Variants in DLC1 observed in about 807,000 individuals in gnomAD.
DLC1 encodes the protein DLC1 Rho GTPase activating protein.
In DLC1, 54 loss-of-function variants were observed where a neutral mutation model predicts 140.3. That is an observed-to-expected ratio of 0.38 (90% CI 0.31 to 0.48). The LOEUF is 0.48. Ranked by LOEUF, DLC1 falls within the 20% of genes least tolerant of loss-of-function variation. The pLI is 0.96. For missense variants in DLC1, 2,536 were observed against 1,907.0 expected (o/e 1.33, Z -6.14); for synonymous variants, 986 against 728.1 (o/e 1.35, Z -5.70).
intron 2 of DLC1, among the ~76,000 whole-genome samples, chr8:13,407,523 G>T (rs1020748972): frequency 3.3e-5 from 5 of 151,840 alleles, no homozygotes; most frequent in Admixed American, 6.6e-5. Context: ...AGAGACACAG[G>T]CTCTGTTTTC....
rs55791933 is a variant in DLC1, at chr8:13,280,287, CAAAAA to C, written c.1348+24977_1348+24981del. Among the ~76,000 whole-genome samples, 6 of 65,372 alleles carry C rather than the reference CAAAAA, an allele frequency of 9.2e-5. No homozygotes were observed. In the South Asian group the frequency reaches 4.2e-3, roughly 46 times the overall value. 42.9% of individuals were successfully genotyped at this position (65,372 alleles called of 152,430 possible). On this transcript the variant is annotated intron_variant, in intron 5 of 17. Transcript: ENST00000276297. The stretch of plus-strand genomic sequence containing the variant: ...TGGGCAACGGAGAGAGACTCCATCT[CAAAAA>C]AAAAAAAAAAAAAAAAAAGAAAAAT...
At chr8:13,219,233 A>T (rs1828411389) in intron 5 of DLC1, among the ~76,000 whole-genome samples, 1 of 135,702 alleles carries the variant, frequency 7.4e-6, no homozygotes, top group Non-Finnish European at 1.5e-5. Context: ...GAATATAATT[A>T]TATAATGATA....
chr8:13,476,561 G>A (rs1001956097), intron 2 of DLC1, among the ~76,000 whole-genome samples: 2 of 151,596 alleles, frequency 1.3e-5, no homozygotes, highest in African/African-American at 4.8e-5. Flanking sequence ...GAGCTAACCA[G>A]GCAGGATGTG....
At chr8:13,275,581 AATCGGACAGAAGTCCCT>A (rs71207137) in intron 5 of DLC1, among the ~76,000 whole-genome samples, 11,783 of 152,226 alleles carry the variant, frequency 0.077, 611 homozygotes, top group Middle Eastern at 0.11. Context: ...CCAACGCAAA[AATCGGACAGAAGTCCCT>A]ATCTCCTCAC....
At chr8:13,511,856 A>G (rs1425275019) in intron 1 of DLC1, among the ~76,000 whole-genome samples, 1 of 152,150 alleles carries the variant, frequency 6.6e-6, no homozygotes, top group Non-Finnish European at 1.5e-5. Context: ...ATTTTTCAAG[A>G]GGAAACAAAA....
rs879257295 is a variant in DLC1 at position 13,331,677 on chromosome 8, T to TA, written c.1315-26376dup. On this transcript the variant is annotated intron_variant, in intron 4 of 17. Transcript: ENST00000276297. ...CCCCAACTAACCCAAAACCAAAAAA[T>TA]AAAAAAAAAAATCCCCACCAAATCC... Among the ~76,000 whole-genome samples the TA allele has an allele frequency of 8.2e-4, 119 of 144,824 alleles. 1 individual carries two copies. Among genetic ancestry groups the TA allele is most frequent in the East Asian group, 2.4e-3 (12 of 5,004 alleles).
chr8:13,384,128 TACA>T (rs1280969152), intron 4 of DLC1, among the ~76,000 whole-genome samples: 2 of 152,256 alleles, frequency 1.3e-5, no homozygotes, highest in Non-Finnish European at 2.9e-5. Flanking sequence ...TAATTTATTA[TACA>T]ACAACAGATA....
intron 2 of DLC1, among the ~76,000 whole-genome samples, chr8:13,438,689 T>A (rs1839231509): frequency 6.6e-6 from 1 of 152,144 alleles, no homozygotes; most frequent in African/African-American, 2.4e-5. Flanking sequence ...CCCCTAATCT[T>A]CTGATTTTCA....
chr8:13,449,565 C>G (rs1323042489), intron 2 of DLC1, among the ~76,000 whole-genome samples: 1 of 148,092 alleles, frequency 6.8e-6, no homozygotes, highest in Non-Finnish European at 1.5e-5. Context: ...CAAACTATCG[C>G]AAGGACAAAA....
At chr8:13,266,338 T>G (rs953436576) in intron 5 of DLC1, among the ~76,000 whole-genome samples, 5 of 152,214 alleles carry the variant, frequency 3.3e-5, no homozygotes, top group African/African-American at 1.2e-4. Flanking sequence ...TGGGCATGTT[T>G]TGTATGTTGT....
rs964657762 is a variant in DLC1, at chr8:13,286,780, C to T, written c.1348+18489G>A. On this transcript the variant is annotated intron_variant, in intron 5 of 17. Coordinates refer to ENST00000276297, the MANE Select transcript of DLC1 (RefSeq NM_182643.3). ...GTGAAACTCTTACTCTTTTGATTGG[C>T]ATAAAAATGCTAAAGAAAGACAAGT... Among the ~76,000 whole-genome samples, 50 of 147,538 alleles carry T rather than the reference C, an allele frequency of 3.4e-4. 1 individual carries two copies. Among genetic ancestry groups the T allele is most frequent in the African/African-American group, 1.2e-3 (49 of 40,378 alleles).
chr8:13,286,442 AGGGTCACTT>A (rs1204909946), intron 5 of DLC1, among the ~76,000 whole-genome samples: 1 of 152,196 alleles, frequency 6.6e-6, no homozygotes, highest in African/African-American at 2.4e-5. Flanking sequence ...GTTTCATGAA[AGGGTCACTT>A]TATATGGAAT....
chr8:13,497,860 C>T (rs1359525093), intron 2 of DLC1, among the ~76,000 whole-genome samples: 1 of 152,182 alleles, frequency 6.6e-6, no homozygotes, highest in Non-Finnish European at 1.5e-5. Context: ...ACAAAATGCT[C>T]TGTTAGCATA....
intron 4 of DLC1, among the ~76,000 whole-genome samples, chr8:13,366,212 A>G (rs1671408): frequency 0.5 from 76,106 of 152,026 alleles, 20,096 homozygotes; most frequent in East Asian, 0.82. Context: ...AGGGGCAGTG[A>G]AAATAGTAGG....
rs1832363634 is a variant in DLC1 at position 13,305,057 on chromosome 8, T to C, written c.1348+212A>G. ...CAAGGAAGACCCCAAGAAACACATA[T>C]CTTATTCTAACACAATGTCATTATG... On this transcript the variant is annotated intron_variant, in intron 5 of 17. Transcript: ENST00000276297. 4.1e-6 allele frequency: 5 copies of C among 1,207,318 alleles called. No homozygotes were observed. The South Asian group carries it at 1.7e-4, about 41-fold the overall frequency. 74.8% of individuals were successfully genotyped at this position (1,207,318 alleles called of 1,614,324 possible).
intron 5 of DLC1, among the ~76,000 whole-genome samples, chr8:13,135,270 T>C (rs1308618548): frequency 6.7e-5 from 10 of 149,482 alleles, no homozygotes; most frequent in Non-Finnish European, 1.5e-4. Flanking sequence ...AGTGACACGA[T>C]CTCGGGTTCA....
At chr8:13,142,091 A>G (rs1823040701) in intron 5 of DLC1, among the ~76,000 whole-genome samples, 1 of 152,212 alleles carries the variant, frequency 6.6e-6, no homozygotes, top group Admixed American at 6.5e-5. Context: ...ACACTCATAC[A>G]TACACAGTCG....
chr8:13,296,452 C>G (rs1831958749), intron 5 of DLC1, among the ~76,000 whole-genome samples: 1 of 152,162 alleles, frequency 6.6e-6, no homozygotes, highest in Admixed American at 6.5e-5. Flanking sequence ...TCACAGCCAC[C>G]TCTTCATGCT....
intron 15 of DLC1, among the ~76,000 whole-genome samples, chr8:13,089,756 C>T (rs1407542819): frequency 2.0e-5 from 3 of 152,232 alleles, no homozygotes; most frequent in South Asian, 2.1e-4. Context: ...CATATACCTC[C>T]GATGGACCTA....
Sources: allele counts gnomAD v4.1 joint callset (sites outside exome capture counted in the v4.1 genomes callset), GRCh38; gene constraint gnomAD v4.1.1; transcripts MANE v1.5; gene names NCBI Gene and HGNC (gene_info 2026-07-23, HGNC 2026-07-21).